Variants in WRNIP1 observed in about 807,000 individuals in gnomAD.
The protein encoded by WRNIP1 is WRN helicase interacting protein 1.
In WRNIP1, 41 loss-of-function variants were observed where a neutral mutation model predicts 56.1. That is an observed-to-expected ratio of 0.73 (90% CI 0.57 to 0.95). The LOEUF (loss-of-function observed/expected upper bound fraction) is 0.95. WRNIP1 is among the 40% of genes least tolerant of loss of function. The pLI is 0.00. For synonymous variants in WRNIP1, 547 were observed against 398.1 expected (o/e 1.37, Z -4.45); for missense variants, 1,170 against 939.4 (o/e 1.25, Z -3.21).
At chr6:2,784,825 C>T (rs1442917123) in intron 6 of WRNIP1, among the ~76,000 whole-genome samples, 182 bp from the exon 7 acceptor site, 1 of 152,074 alleles carries the variant, frequency 6.6e-6, no homozygotes, top group Non-Finnish European at 1.5e-5. Context: ...CCTCTCGTTT[C>T]ACCTCATGAG....
intron 3 of WRNIP1, among the ~76,000 whole-genome samples, chr6:2,777,121 A>G (rs1269683156): frequency 6.6e-6 from 1 of 152,108 alleles, no homozygotes; most frequent in Non-Finnish European, 1.5e-5. Flanking sequence ...AATATCAAGT[A>G]CATTTTTATC....
At chr6:2,778,474 G>A (rs1420697641) in intron 3 of WRNIP1, among the ~76,000 whole-genome samples, 2 of 152,096 alleles carry the variant, frequency 1.3e-5, no homozygotes, top group African/African-American at 4.8e-5. Flanking sequence ...TATTTATGAG[G>A]GTCCAAATTT....
intron 4 of WRNIP1, among the ~76,000 whole-genome samples, chr6:2,781,247 C>A (rs1239840162): frequency 6.6e-6 from 1 of 152,216 alleles, no homozygotes; most frequent in Non-Finnish European, 1.5e-5. Flanking sequence ...ATCACCTTGT[C>A]TATAGCTTGG....
Position 2,784,409 on chromosome 6 carries a change from G to A in WRNIP1, c.1722+6G>A, listed in dbSNP as rs1282385678. ...TAGGCATGCCTGAATGTGAGGTAAAGTAATCAGCTCATTTCTTGCAAATCA... is the reference window on the plus strand; with the variant it reads ...TAGGCATGCCTGAATGTGAGGTAAAATAATCAGCTCATTTCTTGCAAATCA... On this transcript the variant is annotated splice_donor_region_variant and intron_variant, in intron 6 of 6. Transcript: ENST00000380773. The A allele has an allele frequency of 5.6e-6, 9 of 1,613,658 alleles. No homozygotes were observed. The highest frequency in any genetic ancestry group is 7.6e-6 in the Non-Finnish European group (9 of 1,179,716).
chr6:2,776,188 T>G (rs1765426881), intron 3 of WRNIP1, among the ~76,000 whole-genome samples: 1 of 152,186 alleles, frequency 6.6e-6, no homozygotes, highest in Non-Finnish European at 1.5e-5. Flanking sequence ...TCTCAGGGTA[T>G]TTTAGTATAT....
At chr6:2,773,333 A>G in intron 3 of WRNIP1, 2 of 985,456 alleles carry the variant, frequency 2.0e-6, no homozygotes, top group African/African-American at 3.5e-5. Flanking sequence ...GTCCACTTCC[A>G]GTGCCACGCT....
chr6:2,786,113 A>C lies in WRNIP1; in HGVS notation c.*831A>C, dbSNP rs1426050544. 6.6e-6 allele frequency: 1 copy of C among 152,192 alleles called. No individual in the cohort carries two copies. The highest frequency in any genetic ancestry group is 2.4e-5 in the African/African-American group (1 of 41,420). The allele number at this position is 152,192 out of a possible 1,614,324, so 9.4% of individuals were successfully genotyped here. ...TTAAGAGTTATTTGTCCCTACTGCT[A>C]CTTCCTCTCCCTCTCCTTAGTTGCA... On this transcript the variant is annotated 3_prime_UTR_variant, in exon 7 of 7. Coordinates refer to ENST00000380773, the MANE Select transcript of WRNIP1 (RefSeq NM_020135.3).
At chr6:2,772,206 G>A (rs1765308944) in intron 3 of WRNIP1, among the ~76,000 whole-genome samples, 1 of 152,164 alleles carries the variant, frequency 6.6e-6, no homozygotes, top group African/African-American at 2.4e-5. Context: ...AGTTTGAGAA[G>A]ATCAAGTGAA....
chr6:2,779,877 T>C (rs559787313), intron 4 of WRNIP1, among the ~76,000 whole-genome samples: 9 of 152,370 alleles, frequency 5.9e-5, no homozygotes, highest in African/African-American at 2.2e-4. Context: ...AAGAGGACTT[T>C]TGTCATAATG....
In WRNIP1 at chr6:2,766,404, TC is replaced by T; in HGVS notation, c.786del (p.Ser263ArgfsTer19). ...CGCTCGCTCCTGGAGACCAACGAAA[TC>T]CCCTCGCTTATCCTGTGGGGGCCGC... ...LLRSLLETNE[I>X]PSLILWGPPG... On this transcript the variant is annotated frameshift_variant, in exon 1 of 7. Coordinates refer to ENST00000380773, the MANE Select transcript of WRNIP1 (RefSeq NM_020135.3). LOFTEE classifies it high-confidence loss of function. 1.2e-6 allele frequency: 2 copies of T among 1,604,380 alleles called. No individual in the cohort carries two copies. Among genetic ancestry groups the T allele is most frequent in the Non-Finnish European group, 1.7e-6 (2 of 1,175,426 alleles).
At position 2,765,413 on chromosome 6, in the gene WRNIP1, T is replaced by G; in HGVS notation, c.-210T>G. The G allele has an allele frequency of 2.2e-6, 1 of 453,376 alleles. No individual in the cohort carries two copies. The highest frequency in any genetic ancestry group is 3.4e-6 in the Non-Finnish European group (1 of 295,698). The allele number at this position is 453,376 out of a possible 1,614,324, so 28.1% of individuals were successfully genotyped here. ...GAACTACACTTCCCGACACGCCGCG[T>G]GAGGCGCTGCCAGCGGCCGGCCGAG... On this transcript the variant is annotated 5_prime_UTR_variant, in exon 1 of 7. Transcript: ENST00000380773.
At position 2,783,514 on chromosome 6, in the gene WRNIP1, C is replaced by T. The variant is rs944900259; in HGVS notation, c.1595C>T (p.Pro532Leu). ...CGCATGCTCGAGGGAGGAGAGGACC[C>T]ACTCTACGTGGCACGGAGGCTTGTC... is the stretch of plus-strand genomic sequence containing the variant. ...LARMLEGGED[P>L]LYVARRLVRF... is the part of the protein sequence containing the mutation. Residue 532 changes from proline to leucine, a missense_variant, in exon 5 of 7, where the codon CCA becomes CTA. Transcript: ENST00000380773. 1.9e-6 allele frequency: 3 copies of T among 1,613,856 alleles called. No individual in the cohort carries two copies. Among genetic ancestry groups the T allele is most frequent in the South Asian group, 1.1e-5 (1 of 91,026 alleles).
Position 2,766,178 on chromosome 6 carries a change from C to A in WRNIP1, c.556C>A (p.Pro186Thr). ...GDADADGEDDPGHWDADAAEA... is the reference protein window; with the variant it reads ...GDADADGEDDTGHWDADAAEA... ...CGCGGACGCGGACGGCGAGGACGAC[C>A]CGGGGCACTGGGACGCGGACGCTGC... Residue 186 changes from proline to threonine, a missense_variant, in exon 1 of 7, where the codon CCG becomes ACG. Pro to Thr is a conservative substitution (Grantham distance 38, BLOSUM62 -1). Coordinates refer to ENST00000380773, the MANE Select transcript of WRNIP1 (RefSeq NM_020135.3). 7.3e-7 allele frequency: 1 copy of A among 1,370,960 alleles called. No homozygotes were observed. The highest frequency in any genetic ancestry group is 1.8e-5 in the South Asian group (1 of 55,984). The allele number at this position is 1,370,960 out of a possible 1,614,324, so 84.9% of individuals were successfully genotyped here. A position where few individuals can be genotyped will look rare whatever the true frequency, so the allele number is the denominator to read the frequency against.
chr6:2,780,745 C>T (rs547227643), intron 4 of WRNIP1, among the ~76,000 whole-genome samples: 38 of 152,210 alleles, frequency 2.5e-4, no homozygotes, highest in African/African-American at 9.2e-4. Flanking sequence ...ATGCCGGGAT[C>T]GCCATTGTTT....
chr6:2,777,635 A>G (rs1271277281), intron 3 of WRNIP1, among the ~76,000 whole-genome samples: 2 of 152,128 alleles, frequency 1.3e-5, no homozygotes, highest in African/African-American at 4.8e-5. Context: ...ACGTACTGCT[A>G]CACCCCTGTG....
Position 2,767,629 on chromosome 6 carries a change from C to G in WRNIP1, c.823-1062C>G, listed in dbSNP as rs552573361. On this transcript the variant is annotated intron_variant, in intron 1 of 6. Coordinates refer to ENST00000380773, the MANE Select transcript of WRNIP1 (RefSeq NM_020135.3). ...TCCCCATGGATTTAGTTGTTAACCC[C>G]ATTTAAGGGATTGAGCAGTATCATT... 3.9e-4 allele frequency among the ~76,000 whole-genome samples: 60 copies of G among 152,300 alleles called. No individual in the cohort carries two copies. The South Asian group carries it at 6.6e-3, about 17-fold the overall frequency.
rs142706771 is a variant in WRNIP1 at position 2,771,761 on chromosome 6, C to T, written c.1256+1400C>T. ...TCCCAGGCACTTCAGATGTGGGATACTCATGTGTAGGTTTCCCGTAACAGA... is the reference window on the plus strand; with the variant it reads ...TCCCAGGCACTTCAGATGTGGGATATTCATGTGTAGGTTTCCCGTAACAGA... On this transcript the variant is annotated intron_variant, in intron 3 of 6. Transcript: ENST00000380773. 1.8e-3 allele frequency among the ~76,000 whole-genome samples: 277 copies of T among 152,234 alleles called. 1 individual carries two copies. Among genetic ancestry groups the T allele is most frequent in the African/African-American group, 6.3e-3 (262 of 41,532 alleles).
At chr6:2,783,653 T>TTTTTGAG in intron 5 of WRNIP1, 92 bp downstream of exon 5, 1 of 119,630 alleles carries the variant, frequency 8.4e-6, no homozygotes, top group Non-Finnish European at 1.1e-5. Context: ...TTTTTTTTTT[T>TTTTTGAG]GCAGGGCGGG....
At chr6:2,774,886 A>G (rs182358540) in intron 3 of WRNIP1, among the ~76,000 whole-genome samples, 280 of 152,362 alleles carry the variant, frequency 1.8e-3, no homozygotes, top group African/African-American at 6.4e-3. Flanking sequence ...GCTGTTGCAC[A>G]GTCTGATGAG....
Sources: gnomAD v4.1 joint callset for allele counts (sites outside exome capture counted in the v4.1 genomes callset) on GRCh38, gnomAD v4.1.1 for gene constraint, MANE v1.5 for transcripts, NCBI Gene and HGNC (gene_info 2026-07-23, HGNC 2026-07-21) for gene names.